DMD: variants seen among roughly 807,000 people sequenced by gnomAD.
DMD encodes the protein mutant dystrophin.
A neutral mutation model predicts 330.1 loss-of-function variants in DMD; 63 were observed. That is an observed-to-expected ratio of 0.19 (90% CI 0.16 to 0.24). The LOEUF (loss-of-function observed/expected upper bound fraction) is 0.24. DMD is among the 10% of genes least tolerant of loss of function. The pLI is 1.00. For missense variants in DMD, 3,344 were observed against 2,684.1 expected (o/e 1.25, Z -5.43); for synonymous variants, 1,223 against 959.8 (o/e 1.27, Z -5.07).
intron 40 of DMD, chrX:32,342,578 G>C: frequency 6.1e-6 from 2 of 325,205 alleles, no homozygotes; most frequent in Non-Finnish European, 1.1e-5. Context: ...ACAATTTGGA[G>C]TGATAACTCA....
chrX:32,267,875 C>A (rs1025782558), intron 43 of DMD, among the ~76,000 whole-genome samples: 2 of 112,091 alleles, frequency 1.8e-5, no homozygotes, highest in Admixed American at 1.9e-4. Flanking sequence ...AAAAAACAAA[C>A]CATGGCTATG....
At chrX:32,699,626 T>A (rs1296645839) in intron 7 of DMD, among the ~76,000 whole-genome samples, 4 of 111,812 alleles carry the variant, frequency 3.6e-5, no homozygotes, top group Non-Finnish European at 7.5e-5. Flanking sequence ...AAAGATTACA[T>A]TTTCCCTCCA....
At chrX:32,408,907 T>C (rs923212071) in intron 30 of DMD, among the ~76,000 whole-genome samples, 1 of 105,836 alleles carries the variant, frequency 9.4e-6, no homozygotes, top group Non-Finnish European at 1.9e-5. Flanking sequence ...TATCTATCTA[T>C]CTATCCATCC....
chrX:32,828,696 T>C (rs2078939537), intron 4 of DMD, among the ~76,000 whole-genome samples: 1 of 109,113 alleles, frequency 9.2e-6, no homozygotes, highest in South Asian at 3.8e-4. Flanking sequence ...TATGTAATTT[T>C]AGTAGGTGTT....
intron 45 of DMD, among the ~76,000 whole-genome samples, chrX:31,960,959 T>G (rs1196495873): frequency 8.9e-6 from 1 of 111,838 alleles, no homozygotes; most frequent in Non-Finnish European, 1.9e-5. Flanking sequence ...TGATATGGAT[T>G]GCATCTAAAA....
chrX:31,894,420 T>C (rs1603545790), intron 47 of DMD, among the ~76,000 whole-genome samples: 1 of 111,585 alleles, frequency 9.0e-6, no homozygotes, highest in African/African-American at 3.3e-5. Context: ...TTCCCGATGA[T>C]GTGGCAACAT....
intron 17 of DMD, among the ~76,000 whole-genome samples, chrX:32,533,852 G>T (rs966989984): frequency 9.0e-6 from 1 of 111,678 alleles, no homozygotes; most frequent in Non-Finnish European, 1.9e-5. Flanking sequence ...CAGTGTGAAA[G>T]GTCCTTGAGT....
chrX:32,649,555 CT>C (rs770218259), intron 9 of DMD, among the ~76,000 whole-genome samples: 2,488 of 59,133 alleles, frequency 0.042, 41 homozygotes, highest in African/African-American at 0.054. Context: ...GACTCCGTCT[CT>C]TTTAAAAAAA....
intron 7 of DMD, among the ~76,000 whole-genome samples, chrX:32,807,178 T>TC (rs1238837817): frequency 1.9e-5 from 2 of 104,868 alleles, no homozygotes; most frequent in Non-Finnish European, 3.9e-5. Flanking sequence ...GTGTTTTTTT[T>TC]TGAAGAGATT....
At chrX:31,834,959 CT>C (rs1569466298) in intron 49 of DMD, among the ~76,000 whole-genome samples, 1 of 111,721 alleles carries the variant, frequency 9.0e-6, no homozygotes, top group Non-Finnish European at 1.9e-5. Flanking sequence ...CTGGTTCTTT[CT>C]TTTTATTTCA....
intron 5 of DMD, among the ~76,000 whole-genome samples, chrX:32,819,159 G>C (rs1208330009): frequency 9.1e-6 from 1 of 110,369 alleles, no homozygotes; most frequent in Non-Finnish European, 1.9e-5. Context: ...ATCTTATATG[G>C]TAAGGATAGT....
intron 60 of DMD, among the ~76,000 whole-genome samples, chrX:31,375,890 T>C (rs1051785470): frequency 1.8e-5 from 2 of 111,859 alleles, no homozygotes; most frequent in Admixed American, 9.5e-5. Context: ...AAGAAAGAAA[T>C]GATGGCTACC....
intron 17 of DMD, among the ~76,000 whole-genome samples, chrX:32,536,619 G>A (rs1015253169): frequency 8.0e-5 from 9 of 112,207 alleles, no homozygotes; most frequent in African/African-American, 2.9e-4. Context: ...CAAACGATTT[G>A]ATCTTATTTT....
intron 1 of DMD, among the ~76,000 whole-genome samples, chrX:33,331,335 G>A (rs1603430981): frequency 9.0e-6 from 1 of 111,558 alleles, no homozygotes; most frequent in Non-Finnish European, 1.9e-5. Context: ...ACATAAATGA[G>A]TCCCACATCT....
chrX:33,019,820 T>C (rs767374032), intron 2 of DMD, among the ~76,000 whole-genome samples: 8 of 111,483 alleles, frequency 7.2e-5, no homozygotes, highest in East Asian at 2.8e-4. Context: ...TCATATCTTC[T>C]TCTGCTGGGT....
intron 37 of DMD, among the ~76,000 whole-genome samples, chrX:32,352,616 C>T (rs2097785690): frequency 9.0e-6 from 1 of 110,928 alleles, no homozygotes; most frequent in African/African-American, 3.3e-5. Context: ...AACCATTATA[C>T]TCATAACATT....
chrX:32,745,488 CACAG>C (rs1334991414), intron 7 of DMD, among the ~76,000 whole-genome samples: 1 of 112,072 alleles, frequency 8.9e-6, no homozygotes, highest in African/African-American at 3.2e-5. Context: ...ATGATGGTTT[CACAG>C]ACAGGGTGTC....
At chrX:33,303,763 G>A (rs946869919) in intron 1 of DMD, among the ~76,000 whole-genome samples, 3 of 111,569 alleles carry the variant, frequency 2.7e-5, no homozygotes, top group African/African-American at 6.5e-5. Context: ...TTCCCCTTCT[G>A]CCATGATTGT....
At chrX:32,177,291 A>G (rs888979002) in intron 44 of DMD, among the ~76,000 whole-genome samples, 7 of 112,028 alleles carry the variant, frequency 6.2e-5, no homozygotes, top group Non-Finnish European at 1.1e-4. Flanking sequence ...CTTTCCTGAC[A>G]ACCACGTGAC....
Sources: gnomAD v4.1 joint callset for allele counts (sites outside exome capture counted in the v4.1 genomes callset) on GRCh38, gnomAD v4.1.1 for gene constraint, MANE v1.5 for transcripts, NCBI Gene and HGNC (gene_info 2026-07-23, HGNC 2026-07-21) for gene names.